Variants in JPT1 observed in about 807,000 individuals in gnomAD.
The protein encoded by JPT1 is androgen-regulated protein 2.
In JPT1, 5 loss-of-function variants were observed where a neutral mutation model predicts 17.0. The ratio of observed to expected loss-of-function variants is 0.29; its 90% CI spans 0.15 to 0.62. The LOEUF (loss-of-function observed/expected upper bound fraction) is 0.62. Ranked by LOEUF, JPT1 falls within the 20% of genes least tolerant of loss-of-function variation. The pLI is 0.85. For synonymous variants in JPT1, 71 were observed against 73.6 expected (o/e 0.96, Z 0.18); for missense variants, 158 against 188.1 (o/e 0.84, Z 0.94).
rs2074604502 is a variant in JPT1 at position 75,154,457 on chromosome 17, G to A, written c.-60C>T. 2.0e-6 allele frequency: 3 copies of A among 1,484,942 alleles called. No individual in the cohort carries two copies. The highest frequency in any genetic ancestry group is 2.7e-6 in the Non-Finnish European group (3 of 1,100,904). 92.0% of individuals were successfully genotyped at this position (1,484,942 alleles called of 1,614,324 possible). A position where few individuals can be genotyped will look rare whatever the true frequency, so the allele number is the denominator to read the frequency against. On this transcript the variant is annotated 5_prime_UTR_variant, in exon 1 of 5. Coordinates refer to ENST00000409753, the MANE Select transcript of JPT1 (RefSeq NM_016185.4). Reference sequence around the variant, plus strand: ...AGAACGCTCAAAGGGTCGGACCCGAGGGGCGCTGGGAAACTCCACACCCAA... The same window carrying A: ...AGAACGCTCAAAGGGTCGGACCCGAAGGGCGCTGGGAAACTCCACACCCAA...
intron 4 of JPT1, among the ~76,000 whole-genome samples, chr17:75,142,298 G>A (rs956262735): frequency 4.0e-5 from 6 of 151,144 alleles, no homozygotes; most frequent in African/African-American, 1.2e-4. Flanking sequence ...GGTGGCTCAC[G>A]CCTGTAATCC....
intron 4 of JPT1, among the ~76,000 whole-genome samples, chr17:75,141,629 G>A (rs2074310257): frequency 6.6e-6 from 1 of 151,832 alleles, no homozygotes; most frequent in Admixed American, 6.6e-5. Context: ...CTCCAGCCTG[G>A]CGACAGAGTG....
intron 1 of JPT1, chr17:75,148,960 T>C: frequency 8.0e-7 from 1 of 1,242,724 alleles, no homozygotes. Context: ...TGGTGTCCCC[T>C]TTTCAGAAAT....
At chr17:75,146,619 C>G in intron 4 of JPT1, 47 bp downstream of exon 4, 1 of 1,439,900 alleles carries the variant, frequency 6.9e-7, no homozygotes, top group Non-Finnish European at 9.6e-7. Context: ...CAGATCTGTC[C>G]TAAAACCATG....
chr17:75,137,548 T>G (rs2074226616), intron 4 of JPT1, among the ~76,000 whole-genome samples: 1 of 151,612 alleles, frequency 6.6e-6, no homozygotes, highest in Admixed American at 6.6e-5. Context: ...TTTTTTTATT[T>G]TTAAAAGATG....
At chr17:75,152,330 T>C (rs1418750885) in intron 1 of JPT1, among the ~76,000 whole-genome samples, 1 of 152,192 alleles carries the variant, frequency 6.6e-6, no homozygotes, top group Non-Finnish European at 1.5e-5. Context: ...TCTCTTAAAA[T>C]CCTGAAGTTT....
Position 75,135,344 on chromosome 17 carries a change from C to T in JPT1, c.*758G>A, listed in dbSNP as rs922527143. ...AGACTTTCCTTTCATGGTCAAGCAC[C>T]AGCATCATGCACACAGCATCAGGTT... On this transcript the variant is annotated 3_prime_UTR_variant, in exon 5 of 5. Coordinates refer to ENST00000409753, the MANE Select transcript of JPT1 (RefSeq NM_016185.4). 2 of 152,628 alleles carry T rather than the reference C, an allele frequency of 1.3e-5. No individual in the cohort carries two copies. Among genetic ancestry groups the T allele is most frequent in the Non-Finnish European group, 2.9e-5 (2 of 68,060 alleles). The allele number at this position is 152,628 out of a possible 1,614,324, so 9.5% of individuals were successfully genotyped here. A position where few individuals can be genotyped will look rare whatever the true frequency, so the allele number is the denominator to read the frequency against.
At chr17:75,149,251 G>C in intron 1 of JPT1, 1 of 347,030 alleles carries the variant, frequency 2.9e-6, no homozygotes, top group Non-Finnish European at 5.7e-6. Context: ...AGCTACACTG[G>C]ACTCTGAGAC....
chr17:75,149,050 T>C (rs1448937594), intron 1 of JPT1: 1 of 1,281,002 alleles, frequency 7.8e-7, no homozygotes, highest in Admixed American at 2.4e-5. Context: ...TTTCTTGTTA[T>C]TATTCATTTA....
At position 75,154,356 on chromosome 17, in the gene JPT1, G is replaced by C; in HGVS notation, c.42C>G (p.Ser14Arg). The C allele has an allele frequency of 6.5e-7, 1 of 1,548,386 alleles. No homozygotes were observed. Among genetic ancestry groups the C allele is most frequent in the Non-Finnish European group, 8.7e-7 (1 of 1,145,942 alleles). The change falls in exon 1 of 5, where the codon AGC becomes AGG. Residue 14 changes from serine to arginine, a missense_variant. By Grantham distance (110) the Ser-to-Arg change is moderately radical. Coordinates refer to ENST00000409753, the MANE Select transcript of JPT1 (RefSeq NM_016185.4). ...GGTCGCCTCACCGGGAGCTATTCCT[G>C]CTGTTGGGGTCGACTCCCTTGAAGG... Reference protein sequence around the residue: ...TTTFKGVDPNSRNSSRVLRPP... With the variant: ...TTTFKGVDPNRRNSSRVLRPP...
At chr17:75,146,763 T>G (rs1392141984) in intron 3 of JPT1, 79 bp from the exon 4 acceptor site, 1 of 857,926 alleles carries the variant, frequency 1.2e-6, no homozygotes, top group African/African-American at 1.7e-5. Flanking sequence ...TCATAGCAGC[T>G]AACATCTACT....
chr17:75,149,080 G>A, intron 1 of JPT1: 3 of 1,272,520 alleles, frequency 2.4e-6, no homozygotes, highest in Middle Eastern at 3.3e-4. Context: ...TCCAGGCACA[G>A]TGGCACACAC....
At chr17:75,142,660 G>A in intron 4 of JPT1, 1 of 359,264 alleles carries the variant, frequency 2.8e-6, no homozygotes, top group Non-Finnish European at 5.4e-6. Context: ...ATGGAGGGAA[G>A]GGGGAGGAAG....
intron 1 of JPT1, among the ~76,000 whole-genome samples, chr17:75,150,473 G>A (rs932278867): frequency 6.6e-6 from 1 of 152,038 alleles, no homozygotes; most frequent in Non-Finnish European, 1.5e-5. Flanking sequence ...GGCTGGTCTC[G>A]AACTCCTGAC....
intron 1 of JPT1, among the ~76,000 whole-genome samples, chr17:75,150,175 T>C (rs1217293689): frequency 6.6e-5 from 10 of 152,144 alleles, no homozygotes; most frequent in Non-Finnish European, 1.5e-5. Flanking sequence ...GTCTCCTCCT[T>C]GGAAAAACTC....
At chr17:75,142,779 C>T (rs1278533843) in intron 4 of JPT1, 1 of 456,042 alleles carries the variant, frequency 2.2e-6, no homozygotes, top group African/African-American at 2.0e-5. Flanking sequence ...GAAGTCTTTC[C>T]AGAACAGTAC....
intron 4 of JPT1, among the ~76,000 whole-genome samples, chr17:75,139,420 C>A (rs912611646): frequency 1.3e-5 from 2 of 152,070 alleles, no homozygotes; most frequent in Non-Finnish European, 1.5e-5. Flanking sequence ...TACATTATTA[C>A]TAGAACTGTT....
At chr17:75,152,381 A>G (rs561075417) in intron 1 of JPT1, among the ~76,000 whole-genome samples, 1 of 152,338 alleles carries the variant, frequency 6.6e-6, no homozygotes, top group Admixed American at 6.5e-5. Context: ...GACTAAATTT[A>G]TAACGAGTTT....
chr17:75,136,915 C>T (rs570066364), intron 4 of JPT1, among the ~76,000 whole-genome samples: 3 of 152,310 alleles, frequency 2.0e-5, no homozygotes, highest in Non-Finnish European at 4.4e-5. Flanking sequence ...GCCTTCTAGT[C>T]CACTTGTTTT....
Sources: gnomAD v4.1 joint callset for allele counts (sites outside exome capture counted in the v4.1 genomes callset) on GRCh38, gnomAD v4.1.1 for gene constraint, MANE v1.5 for transcripts, NCBI Gene and HGNC (gene_info 2026-07-23, HGNC 2026-07-21) for gene names.